HSD3B1: variants seen among roughly 807,000 people sequenced by gnomAD.
The protein encoded by HSD3B1 is 3 beta-hydroxysteroid dehydrogenase/Delta 5-->4-isomerase type 1.
Under a neutral mutation model 10.4 loss-of-function variants are expected in HSD3B1, and 11 were observed. The observed-to-expected ratio is 1.05, with a 90% CI of 0.66 to 1.75. The LOEUF is 1.75. Among genes scored for constraint, HSD3B1 ranks in the 40% most tolerant of loss-of-function variants. The pLI, the probability that HSD3B1 is intolerant of heterozygous loss-of-function variation, is 0.00. For synonymous variants in HSD3B1, 217 were observed against 185.4 expected (o/e 1.17, Z -1.39); for missense variants, 490 against 454.5 (o/e 1.08, Z -0.71).
Position 119,507,212 on chromosome 1 carries a change from G to A in HSD3B1, c.-136G>A, listed in dbSNP as rs1356149084. On this transcript the variant is annotated 5_prime_UTR_variant, in exon 1 of 4. Transcript: ENST00000369413. ...GCTTCAGACTTGCCACAGGAAATGA[G>A]GTGAGAAGTACGTCCACTCTTCTGT... 4.6e-6 allele frequency: 2 copies of A among 439,318 alleles called. No homozygotes were observed. Among genetic ancestry groups the A allele is most frequent in the Non-Finnish European group, 8.4e-6 (2 of 236,734 alleles). 27.2% of individuals were successfully genotyped at this position (439,318 alleles called of 1,614,324 possible).
Position 119,513,829 on chromosome 1 carries a change from G to A in HSD3B1, c.311-5G>A. The A allele has an allele frequency of 1.9e-6, 3 of 1,613,128 alleles. No individual in the cohort carries two copies. The highest frequency in any genetic ancestry group is 2.5e-6 in the Non-Finnish European group (3 of 1,179,384). On this transcript the variant is annotated splice_polypyrimidine_tract_variant and splice_region_variant and intron_variant, in intron 3 of 3. Transcript: ENST00000369413. The stretch of plus-strand genomic sequence containing the variant: ...TGACAGTGACAATATGCTCTTCATG[G>A]ACAGGTACCCAGCTCCTGTTAGAGG...
At position 119,514,714 on chromosome 1, in the gene HSD3B1, T is replaced by G; in HGVS notation, c.*69T>G. 1 of 1,549,296 alleles carries G rather than the reference T, an allele frequency of 6.5e-7. No homozygotes were observed. The highest frequency in any genetic ancestry group is 8.8e-7 in the Non-Finnish European group (1 of 1,135,462). On this transcript the variant is annotated 3_prime_UTR_variant, in exon 4 of 4. Transcript: ENST00000369413. ...GTCATCAAGCTCCACCCTCCTGGCCTCATACAGAAAGTGACAAGGGCACAA... is the reference window on the plus strand; with the variant it reads ...GTCATCAAGCTCCACCCTCCTGGCCGCATACAGAAAGTGACAAGGGCACAA...
chr1:119,514,805 C>T lies in HSD3B1; in HGVS notation c.*160C>T, dbSNP rs766899806. The T allele has an allele frequency of 2.0e-4, 154 of 768,462 alleles. 1 individual carries two copies. The South Asian group carries it at 2.4e-3, about 12-fold the overall frequency. 47.6% of individuals were successfully genotyped at this position (768,462 alleles called of 1,614,324 possible). A position where few individuals can be genotyped will look rare whatever the true frequency, so the allele number is the denominator to read the frequency against. On this transcript the variant is annotated 3_prime_UTR_variant, in exon 4 of 4. Transcript: ENST00000369413. Reference sequence around the variant, plus strand: ...TATTGTATTCCTCATGTCATCAAAACCTGCGCAGTCATTGGCCCAACAAGA... The same window carrying T: ...TATTGTATTCCTCATGTCATCAAAATCTGCGCAGTCATTGGCCCAACAAGA...
At chr1:119,510,511 A>G (rs879302045) in intron 2 of HSD3B1, among the ~76,000 whole-genome samples, 10 of 152,014 alleles carry the variant, frequency 6.6e-5, no homozygotes, top group Admixed American at 5.2e-4. Flanking sequence ...CAAACCTGGT[A>G]TATCTCTCCC....
Position 119,514,285 on chromosome 1 carries a change from C to T in HSD3B1, c.762C>T (p.Tyr254=). Reference sequence around the variant, plus strand: ...CCCCAAGCATCCGAGGACAGTTCTACTATATCTCAGATGACACGCCTCACC... The same window carrying T: ...CCCCAAGCATCCGAGGACAGTTCTATTATATCTCAGATGACACGCCTCACC... ...KKAPSIRGQF[Y]YISDDTPHQS... is the part of the protein sequence containing the mutation. The change falls in exon 4 of 4, where the codon TAC becomes TAT. Residue 254 remains tyrosine (Y), a synonymous_variant. Coordinates refer to ENST00000369413, the MANE Select transcript of HSD3B1 (RefSeq NM_000862.3). The T allele has an allele frequency of 1.2e-6, 2 of 1,614,108 alleles. No homozygotes were observed. Among genetic ancestry groups the T allele is most frequent in the East Asian group, 2.2e-5 (1 of 44,856 alleles).
At chr1:119,507,299 A>G in intron 1 of HSD3B1, 37 bp downstream of exon 1, 1 of 614,076 alleles carries the variant, frequency 1.6e-6, no homozygotes. Flanking sequence ...CTACTCCTGC[A>G]GTGGTGGGGA....
chr1:119,509,511 T>C (rs1165298350), intron 2 of HSD3B1, among the ~76,000 whole-genome samples: 1 of 152,204 alleles, frequency 6.6e-6, no homozygotes, highest in Non-Finnish European at 1.5e-5. Context: ...GACACTCCTT[T>C]GAGCCAGTCT....
intron 2 of HSD3B1, among the ~76,000 whole-genome samples, chr1:119,508,954 C>T (rs1653866653): frequency 6.6e-6 from 1 of 152,268 alleles, no homozygotes; most frequent in Non-Finnish European, 1.5e-5. Context: ...ACATCTGAAG[C>T]CAGAAAAAAG....
At position 119,513,826 on chromosome 1, in the gene HSD3B1, A is replaced by T. The variant is rs766473772; in HGVS notation, c.311-8A>T. The T allele has an allele frequency of 1.2e-6, 2 of 1,613,052 alleles. No individual in the cohort carries two copies. The highest frequency in any genetic ancestry group is 3.3e-5 in the Admixed American group (2 of 59,992). ...TCCTGACAGTGACAATATGCTCTTC[A>T]TGGACAGGTACCCAGCTCCTGTTAG... On this transcript the variant is annotated splice_polypyrimidine_tract_variant and splice_region_variant and intron_variant, in intron 3 of 3. Transcript: ENST00000369413.
chr1:119,511,704 G>T, intron 3 of HSD3B1, 37 bp downstream of exon 3: 1 of 1,598,006 alleles, frequency 6.3e-7, no homozygotes, highest in Non-Finnish European at 8.6e-7. Flanking sequence ...GCAAGGTGGG[G>T]AATTAAGGAT....
rs1228280629 is a variant in HSD3B1 at position 119,511,680 on chromosome 1, G to C, written c.310+13G>C. The C allele has an allele frequency of 6.2e-7, 1 of 1,612,484 alleles. No individual in the cohort carries two copies. The highest frequency in any genetic ancestry group is 8.5e-7 in the Non-Finnish European group (1 of 1,178,648). On this transcript the variant is annotated intron_variant, in intron 3 of 3. Coordinates refer to ENST00000369413, the MANE Select transcript of HSD3B1 (RefSeq NM_000862.3). ...GTCAATGTGAAAGGTATGGTAGGCT[G>C]GGGAGGAGATGCAGCAAGGTGGGGA...
chr1:119,512,017 C>T (rs1052991442), intron 3 of HSD3B1: 34 of 278,826 alleles, frequency 1.2e-4, no homozygotes, highest in Middle Eastern at 1.2e-3. Flanking sequence ...TTTCTGACTT[C>T]AGACTCTTGA....
At chr1:119,508,341 A>G (rs2101454723) in intron 2 of HSD3B1, among the ~76,000 whole-genome samples, 1 of 151,994 alleles carries the variant, frequency 6.6e-6, no homozygotes, top group East Asian at 1.9e-4. Context: ...GACATGCCTC[A>G]TTTAGATTTT....
chr1:119,513,784 C>T, intron 3 of HSD3B1, 50 bp from the exon 4 acceptor site: 3 of 1,574,014 alleles, frequency 1.9e-6, no homozygotes, highest in Non-Finnish European at 2.6e-6. Context: ...TCGTGGTTGG[C>T]ACCTCTTAGG....
At chr1:119,512,861 T>G (rs1653975752) in intron 3 of HSD3B1, among the ~76,000 whole-genome samples, 1 of 152,236 alleles carries the variant, frequency 6.6e-6, no homozygotes, top group Non-Finnish European at 1.5e-5. Context: ...CACATGAGGC[T>G]GTCTTTCCAG....
chr1:119,509,321 A>G (rs1050518767), intron 2 of HSD3B1, among the ~76,000 whole-genome samples: 2 of 152,184 alleles, frequency 1.3e-5, no homozygotes, highest in Non-Finnish European at 2.9e-5. Context: ...CTCTAGCCCA[A>G]CTTACACCAT....
Position 119,513,855 on chromosome 1 carries a change from C to T in HSD3B1, c.332C>T (p.Ala111Val), listed in dbSNP as rs587707341. The change falls in exon 4 of 4, where the codon GCC (alanine) becomes GTC (valine). Residue 111 changes from alanine to valine, a missense_variant. Transcript: ENST00000369413. ...NVKGTQLLLE[A>V]CVQASVPVFI... is the part of the protein sequence containing the mutation. Reference sequence around the variant, plus strand: ...ACAGGTACCCAGCTCCTGTTAGAGGCCTGTGTCCAAGCTAGTGTGCCAGTC... The same window carrying T: ...ACAGGTACCCAGCTCCTGTTAGAGGTCTGTGTCCAAGCTAGTGTGCCAGTC... The T allele has an allele frequency of 8.1e-6, 13 of 1,613,790 alleles. No individual in the cohort carries two copies. Among genetic ancestry groups the T allele is most frequent in the Admixed American group, 3.3e-5 (2 of 60,004 alleles).
Position 119,514,467 on chromosome 1 carries a change from T to A in HSD3B1, c.944T>A (p.Phe315Tyr). The A allele has an allele frequency of 1.2e-6, 2 of 1,614,044 alleles. No homozygotes were observed. The highest frequency in any genetic ancestry group is 1.7e-4 in the Middle Eastern group (1 of 6,060). The change falls in exon 4 of 4, where the codon TTC becomes TAC. Residue 315 changes from phenylalanine (F) to tyrosine (Y), a missense_variant. Phe to Tyr is a conservative substitution (Grantham distance 22). Transcript: ENST00000369413. Reference protein sequence around the residue: ...LRPIYTYRPPFNRHIVTLSNS... With the variant: ...LRPIYTYRPPYNRHIVTLSNS... ...CCAATTTACACCTATCGACCGCCCTTCAACCGCCACATAGTCACATTGTCA... is the reference window on the plus strand; with the variant it reads ...CCAATTTACACCTATCGACCGCCCTACAACCGCCACATAGTCACATTGTCA...
intron 3 of HSD3B1, 115 bp from the exon 4 acceptor site, chr1:119,513,719 A>T: frequency 1.0e-6 from 1 of 956,038 alleles, no homozygotes; most frequent in Non-Finnish European, 1.6e-6. Flanking sequence ...ATGTACCCTG[A>T]GTCTGTTACA....
Sources: allele counts gnomAD v4.1 joint callset (sites outside exome capture counted in the v4.1 genomes callset), GRCh38; gene constraint gnomAD v4.1.1; transcripts MANE v1.5; gene names NCBI Gene and HGNC (gene_info 2026-07-23, HGNC 2026-07-21).